The following MYO3B variants were observed in gnomAD, a reference collection of about 807,000 sequenced individuals.
The protein encoded by MYO3B is myosin-IIIb.
Under a neutral mutation model 174.6 loss-of-function variants are expected in MYO3B, and 156 were observed. The observed-to-expected ratio is 0.89, with a 90% CI of 0.78 to 1.02. The LOEUF (loss-of-function observed/expected upper bound fraction) is 1.02. MYO3B is among the 50% of genes least tolerant of loss of function. The probability of loss-of-function intolerance (pLI) is 0.00; values close to 1 mark genes in which losing one functional copy is unlikely to be tolerated. For missense variants in MYO3B, 1,632 were observed against 1,639.4 expected (o/e 1.00, Z 0.08); for synonymous variants, 563 against 569.1 (o/e 0.99, Z 0.15).
At chr2:170,296,527 T>C (rs922076166) in intron 7 of MYO3B, among the ~76,000 whole-genome samples, 3 of 152,088 alleles carry the variant, frequency 2.0e-5, no homozygotes, top group African/African-American at 4.8e-5. Context: ...AAAATAACAT[T>C]GTGTGAGATT....
intron 16 of MYO3B, 44 bp from the exon 17 acceptor site, chr2:170,400,144 G>C (rs767808023): frequency 2.5e-6 from 4 of 1,612,764 alleles, no homozygotes; most frequent in Non-Finnish European, 2.5e-6. Flanking sequence ...TCATTAGTTT[G>C]ACTGGCAATG....
intron 25 of MYO3B, among the ~76,000 whole-genome samples, chr2:170,467,259 G>A (rs897438575): frequency 2.0e-5 from 3 of 152,182 alleles, no homozygotes; most frequent in African/African-American, 7.2e-5. Context: ...TGAAAAGAAA[G>A]TAAGTGATTT....
intron 32 of MYO3B, among the ~76,000 whole-genome samples, chr2:170,608,865 A>G (rs1412718803): frequency 6.6e-6 from 1 of 152,190 alleles, no homozygotes; most frequent in Non-Finnish European, 1.5e-5. Flanking sequence ...TTTGTTTTCC[A>G]TCAAAATCTC....
At chr2:170,450,242 G>A (rs1468522429) in intron 23 of MYO3B, among the ~76,000 whole-genome samples, 1 of 152,186 alleles carries the variant, frequency 6.6e-6, no homozygotes, top group African/African-American at 2.4e-5. Context: ...AGTGTTTCCT[G>A]TGTGATTTTT....
Position 170,557,071 on chromosome 2 carries a change from G to GT in MYO3B, c.3733+13092dup, listed in dbSNP as rs201210337. Among the ~76,000 whole-genome samples the GT allele has an allele frequency of 6.9e-3, 1,029 of 149,908 alleles. 13 individuals carry two copies. The highest frequency in any genetic ancestry group is 0.021 in the Middle Eastern group (6 of 286). ...GGATACAGTCCTACGTTAGATACGT[G>GT]TTTTTTTTTGTTTTTCTTTCCAACT... On this transcript the variant is annotated intron_variant, in intron 32 of 34. Transcript: ENST00000408978.
chr2:170,557,330 G>A (rs1691396953), intron 32 of MYO3B, among the ~76,000 whole-genome samples: 1 of 151,736 alleles, frequency 6.6e-6, no homozygotes, highest in Non-Finnish European at 1.5e-5. Context: ...TAGTAGAGAT[G>A]GGGTTTCACT....
intron 12 of MYO3B, 171 bp from the exon 13 acceptor site, chr2:170,386,018 C>A: frequency 1.8e-6 from 1 of 545,874 alleles, no homozygotes; most frequent in South Asian, 2.4e-5. Flanking sequence ...AATGGAACAA[C>A]AAGTAGCTAT....
At chr2:170,517,784 G>A (rs1332841542) in intron 29 of MYO3B, among the ~76,000 whole-genome samples, 1 of 152,072 alleles carries the variant, frequency 6.6e-6, no homozygotes, top group Non-Finnish European at 1.5e-5. Context: ...TTGCAAGTGA[G>A]TGTGGGCCAA....
Position 170,335,552 on chromosome 2 carries a change from G to A in MYO3B, c.815+102G>A, listed in dbSNP as rs575404556. 8.1e-6 allele frequency: 7 copies of A among 868,294 alleles called. No homozygotes were observed. The East Asian group carries it at 1.3e-4, about 16-fold the overall frequency. 53.8% of individuals were successfully genotyped at this position (868,294 alleles called of 1,614,324 possible). The stretch of plus-strand genomic sequence containing the variant: ...TTTACTTGACACTAGAGGTTGTTAT[G>A]CCTGTTAGCACGTTATGACTCGGGG... On this transcript the variant is annotated intron_variant, in intron 8 of 34. Coordinates refer to ENST00000408978, the MANE Select transcript of MYO3B (RefSeq NM_138995.5).
At chr2:170,372,286 A>G (rs2094255116) in intron 9 of MYO3B, among the ~76,000 whole-genome samples, 1 of 152,112 alleles carries the variant, frequency 6.6e-6, no homozygotes, top group Non-Finnish European at 1.5e-5. Flanking sequence ...GTGAGTCAAT[A>G]CATGTAAAAT....
At chr2:170,220,707 TG>T (rs1322948170) in intron 6 of MYO3B, among the ~76,000 whole-genome samples, 2 of 151,558 alleles carry the variant, frequency 1.3e-5, no homozygotes, top group Non-Finnish European at 2.9e-5. Flanking sequence ...TCAGATTCCC[TG>T]GAAGTGGTTC....
Position 170,383,727 on chromosome 2 carries a change from T to C in MYO3B, c.1203T>C (p.His401=), listed in dbSNP as rs766122869. The C allele has an allele frequency of 2.4e-5, 38 of 1,613,400 alleles. No homozygotes were observed. The highest frequency in any genetic ancestry group is 2.9e-5 in the Non-Finnish European group (34 of 1,179,550). ...IYSPQFSRLY[H]GVKRASNPPH... ...TCCTTCAGTTTTCCAGACTTTATCA[T>C]GGGGTGAAACGCGCCTCCAATCCCC... The change falls in exon 12 of 35, where the codon CAT becomes CAC. Residue 401 remains histidine (H), a synonymous_variant. Transcript: ENST00000408978.
At chr2:170,608,347 G>A (rs1218123006) in intron 32 of MYO3B, among the ~76,000 whole-genome samples, 1 of 152,212 alleles carries the variant, frequency 6.6e-6, no homozygotes, top group Non-Finnish European at 1.5e-5. Flanking sequence ...TCTGAGTACA[G>A]TTCATGGGCA....
In MYO3B at chr2:170,641,869, G is replaced by GTA. The variant is rs1697988648; in HGVS notation, c.3734-9759_3734-9758insTA. ...ACTTTATTGTTAAGTGGGGGGGGGG[G>GTA]GGGAGGGGCGGGGAGCCATAACCCA... On this transcript the variant is annotated intron_variant, in intron 32 of 34. Coordinates refer to ENST00000408978, the MANE Select transcript of MYO3B (RefSeq NM_138995.5). 3.1e-4 allele frequency among the ~76,000 whole-genome samples: 23 copies of GTA among 73,946 alleles called. 1 individual carries two copies. 48.5% of individuals were successfully genotyped at this position (73,946 alleles called of 152,430 possible).
chr2:170,197,329 G>A (rs914209606), intron 1 of MYO3B, among the ~76,000 whole-genome samples: 3 of 152,148 alleles, frequency 2.0e-5, no homozygotes, highest in Non-Finnish European at 2.9e-5. Flanking sequence ...AATTGATTTT[G>A]TTTGTGCAGT....
At chr2:170,423,878 C>T (rs1031114536) in intron 22 of MYO3B, among the ~76,000 whole-genome samples, 1 of 152,180 alleles carries the variant, frequency 6.6e-6, no homozygotes, top group Non-Finnish European at 1.5e-5. Context: ...CGTGCCCAGC[C>T]CATAGCAAAA....
At chr2:170,615,345 A>G (rs1039281152) in intron 32 of MYO3B, among the ~76,000 whole-genome samples, 6 of 152,216 alleles carry the variant, frequency 3.9e-5, no homozygotes, top group Admixed American at 6.5e-5. Context: ...AAGAAAGAAA[A>G]TCACTTGTAT....
rs757138662 is a variant in MYO3B at position 170,401,567 on chromosome 2, C to T, written c.2005C>T (p.Arg669Cys). The T allele has an allele frequency of 1.7e-5, 28 of 1,614,042 alleles. No homozygotes were observed. Among genetic ancestry groups the T allele is most frequent in the South Asian group, 3.3e-5 (3 of 91,090 alleles). Residue 669 changes from arginine to cysteine, a missense_variant, in exon 18 of 35, where the codon CGT (arginine) becomes TGT (cysteine). By Grantham distance (180) the Arg-to-Cys change is radical. Transcript: ENST00000408978. ...GGTCACCCGGGGCGAGACCATCATC[C>T]GTGCCAACACTGTAGACAGGGCTGC... ...CVVTRGETII[R>C]ANTVDRAADV...
At chr2:170,489,634 G>GGGGTGTGT (rs1553507396) in intron 25 of MYO3B, among the ~76,000 whole-genome samples, 3 of 139,322 alleles carry the variant, frequency 2.2e-5, no homozygotes, top group African/African-American at 8.4e-5. Context: ...AACCAGTAGG[G>GGGGTGTGT]GTGTGTGTGT....
Sources: allele counts gnomAD v4.1 joint callset (sites outside exome capture counted in the v4.1 genomes callset), GRCh38; gene constraint gnomAD v4.1.1; transcripts MANE v1.5; gene names NCBI Gene and HGNC (gene_info 2026-07-23, HGNC 2026-07-21).